Variants in UBR2 observed in about 807,000 individuals in gnomAD.
UBR2 encodes E3 ubiquitin-protein ligase UBR2.
UBR2 carries 92 observed loss-of-function variants against 247.9 expected under a neutral mutation model. The ratio of observed to expected loss-of-function variants is 0.37; its 90% CI spans 0.31 to 0.44. The LOEUF is 0.44. UBR2 is among the 20% of genes least tolerant of loss of function. The pLI is 1.00. For synonymous variants in UBR2, 672 were observed against 693.5 expected (o/e 0.97, Z 0.49); for missense variants, 1,613 against 2,112.6 (o/e 0.76, Z 4.64).
At chr6:42,586,342 A>G (rs1193565577) in intron 2 of UBR2, among the ~76,000 whole-genome samples, 1 of 152,224 alleles carries the variant, frequency 6.6e-6, no homozygotes, top group Non-Finnish European at 1.5e-5. Context: ...CCTGGGCAAC[A>G]CAGCCAGACC....
intron 4 of UBR2, among the ~76,000 whole-genome samples, chr6:42,598,152 C>G (rs1260533596): frequency 6.6e-6 from 1 of 152,044 alleles, no homozygotes; most frequent in Non-Finnish European, 1.5e-5. Context: ...GGACAGGGTT[C>G]AGCAAGCTCT....
At chr6:42,617,586 A>G (rs1213522280) in intron 11 of UBR2, 79 bp downstream of exon 11, 1 of 1,263,356 alleles carries the variant, frequency 7.9e-7, no homozygotes, top group African/African-American at 1.5e-5. Context: ...TAAAGTCTGT[A>G]TATTCCTGAA....
intron 25 of UBR2, among the ~76,000 whole-genome samples, chr6:42,654,887 G>A (rs908630600): frequency 6.6e-6 from 1 of 152,228 alleles, no homozygotes; most frequent in Admixed American, 6.5e-5. Context: ...CTCAGATGAT[G>A]AAGATTTAGT....
At chr6:42,687,084 G>T (rs1368635393) in intron 44 of UBR2, among the ~76,000 whole-genome samples, 1 of 152,210 alleles carries the variant, frequency 6.6e-6, no homozygotes, top group Non-Finnish European at 1.5e-5. Context: ...AGACGGGGTG[G>T]CGGCCGGGCA....
intron 43 of UBR2, 80 bp from the exon 44 acceptor site, chr6:42,684,714 G>T (rs1799273104): frequency 3.0e-6 from 3 of 999,776 alleles, no homozygotes; most frequent in South Asian, 1.6e-5. Context: ...GGCTAGGCAG[G>T]TATGTGCACA....
intron 1 of UBR2, among the ~76,000 whole-genome samples, chr6:42,566,239 GAGGCCA>G (rs1380915094): frequency 6.6e-6 from 1 of 152,106 alleles, no homozygotes; most frequent in Admixed American, 6.6e-5. Flanking sequence ...AGTAGTGCGG[GAGGCCA>G]GTGCTCCTAG....
At chr6:42,613,057 C>T (rs1433586066) in intron 8 of UBR2, among the ~76,000 whole-genome samples, 7 of 151,960 alleles carry the variant, frequency 4.6e-5, no homozygotes, top group South Asian at 2.1e-4. Context: ...GCCAACATCA[C>T]GCCACTTTGC....
chr6:42,622,694 G>A (rs1795069412), intron 11 of UBR2, among the ~76,000 whole-genome samples: 1 of 152,006 alleles, frequency 6.6e-6, no homozygotes, highest in South Asian at 2.1e-4. Flanking sequence ...CTGAGCCACC[G>A]CACCTGGCCT....
intron 2 of UBR2, among the ~76,000 whole-genome samples, chr6:42,588,699 A>T: frequency 6.6e-6 from 1 of 152,194 alleles, no homozygotes; most frequent in Non-Finnish European, 1.5e-5. Context: ...AAGTTTTTAT[A>T]ATAAAGAGCT....
intron 2 of UBR2, among the ~76,000 whole-genome samples, chr6:42,574,866 T>G (rs932158118): frequency 2.0e-5 from 3 of 151,990 alleles, no homozygotes; most frequent in Non-Finnish European, 4.4e-5. Context: ...GCCCAGTTAA[T>G]TTTTGTATTT....
intron 28 of UBR2, 28 bp downstream of exon 28, chr6:42,658,348 C>T: frequency 6.3e-7 from 1 of 1,580,178 alleles, no homozygotes. Flanking sequence ...TGTGATAATA[C>T]TAAAAAATTA....
intron 36 of UBR2, among the ~76,000 whole-genome samples, chr6:42,673,096 GCTA>G: frequency 6.6e-6 from 1 of 152,042 alleles, no homozygotes; most frequent in East Asian, 1.9e-4. Context: ...TCTTATTACT[GCTA>G]CTTAGTCCTC....
intron 30 of UBR2, 61 bp from the exon 31 acceptor site, chr6:42,662,123 T>G: frequency 9.1e-7 from 1 of 1,094,232 alleles, no homozygotes; most frequent in Non-Finnish European, 1.4e-6. Flanking sequence ...AAGTTACACA[T>G]TTGTTATAGG....
At position 42,640,215 on chromosome 6, in the gene UBR2, A is replaced by G; in HGVS notation, c.1865A>G (p.His622Arg). Residue 622 changes from histidine to arginine, a missense_variant, in exon 16 of 47, where the codon CAT becomes CGT. His to Arg is a conservative substitution (Grantham distance 29). Coordinates refer to ENST00000372901, the MANE Select transcript of UBR2 (RefSeq NM_001363705.2). ...LPVSRLLAGL[H>R]VLLSKSEVAY... ...TGTTTGTTCTTTCATGCAGGTTTAC[A>G]TGTATTATTAAGCAAAAGTGAAGTG... 1 of 1,606,692 alleles carries G rather than the reference A, an allele frequency of 6.2e-7. No homozygotes were observed. The highest frequency in any genetic ancestry group is 8.5e-7 in the Non-Finnish European group (1 of 1,177,550).
At chr6:42,636,174 TTTTTTTTG>T (rs1796080694) in intron 14 of UBR2, among the ~76,000 whole-genome samples, 2 of 67,372 alleles carry the variant, frequency 3.0e-5, no homozygotes, top group South Asian at 1.2e-3. Flanking sequence ...ATGGTTGTTT[TTTTTTTTG>T]TTTTTTTTTT....
chr6:42,676,419 G>A (rs1392780616), intron 39 of UBR2, among the ~76,000 whole-genome samples: 1 of 152,162 alleles, frequency 6.6e-6, no homozygotes, highest in Non-Finnish European at 1.5e-5. Flanking sequence ...TAATATTTGT[G>A]TAGAATAGTA....
Position 42,604,203 on chromosome 6 carries a change from A to G in UBR2, c.662+485A>G, listed in dbSNP as rs1279956697. Among the ~76,000 whole-genome samples, 5 of 152,320 alleles carry G rather than the reference A, an allele frequency of 3.3e-5. No homozygotes were observed. In the East Asian group the frequency reaches 5.8e-4, roughly 18 times the overall value. On this transcript the variant is annotated intron_variant, in intron 5 of 46. Coordinates refer to ENST00000372901, the MANE Select transcript of UBR2 (RefSeq NM_001363705.2). Reference sequence around the variant, plus strand: ...GTGTACATCTACCATTTTTACTTAAATTATTGAAATTACAAACTTGTGGCC... The same window carrying G: ...GTGTACATCTACCATTTTTACTTAAGTTATTGAAATTACAAACTTGTGGCC...
intron 8 of UBR2, among the ~76,000 whole-genome samples, chr6:42,614,203 A>T (rs1214250652): frequency 0.42 from 22,297 of 53,526 alleles, 4,062 homozygotes; most frequent in Non-Finnish European, 0.45. Context: ...AAAAAAAAAA[A>T]AACTATATAT....
intron 13 of UBR2, among the ~76,000 whole-genome samples, chr6:42,634,831 T>C (rs1795988250): frequency 6.6e-6 from 1 of 152,250 alleles, no homozygotes; most frequent in African/African-American, 2.4e-5. Context: ...TTTTCATGTA[T>C]CTGTGAAAAC....
Sources: gnomAD v4.1 joint callset for allele counts (sites outside exome capture counted in the v4.1 genomes callset) on GRCh38, gnomAD v4.1.1 for gene constraint, MANE v1.5 for transcripts, NCBI Gene and HGNC (gene_info 2026-07-23, HGNC 2026-07-21) for gene names.